Variants in GOLGB1 observed in about 807,000 individuals in gnomAD.
The protein encoded by GOLGB1 is golgin B1.
GOLGB1 carries 174 observed loss-of-function variants against 336.9 expected under a neutral mutation model. The observed-to-expected ratio is 0.52, with a 90% confidence interval of 0.46 to 0.59. The LOEUF (loss-of-function observed/expected upper bound fraction) is 0.59, where lower values mean the gene tolerates loss of function less well. GOLGB1 is among the 20% of genes least tolerant of loss of function. GOLGB1 has a pLI of 0.00. For missense variants in GOLGB1, 3,331 were observed against 3,645.3 expected, an observed-to-expected ratio of 0.91 and a Z score of 2.22; for synonymous variants, 1,208 against 1,289.2, an observed-to-expected ratio of 0.94 and a Z score of 1.35.
chr3:121,745,451 C>T (rs962450719), intron 1 of GOLGB1, among the ~76,000 whole-genome samples: 2 of 111,734 alleles, frequency 1.8e-5, no homozygotes, highest in South Asian at 3.1e-4. Context: ...CATATGTACA[C>T]GTGTATGTAT....
At chr3:121,730,635 G>T (rs1022385512) in intron 2 of GOLGB1, among the ~76,000 whole-genome samples, 3 of 152,148 alleles carry the variant, frequency 2.0e-5, no homozygotes, top group African/African-American at 2.4e-5. Context: ...ACCAAACAAG[G>T]CCCAGGGAGA....
At position 121,664,084 on chromosome 3, in the gene GOLGB1, G is replaced by A. The variant is rs1256544809; in HGVS notation, c.*396C>T. 1.1e-5 allele frequency: 2 copies of A among 182,558 alleles called. No homozygotes were observed. Among genetic ancestry groups the A allele is most frequent in the African/African-American group, 4.7e-5 (2 of 42,736 alleles). The allele number at this position is 182,558 out of a possible 1,614,324, so 11.3% of individuals were successfully genotyped here. A position where few individuals can be genotyped will look rare whatever the true frequency, so the allele number is the denominator to read the frequency against. On this transcript the variant is annotated 3_prime_UTR_variant, in exon 22 of 22. Coordinates refer to ENST00000614479, the MANE Select transcript of GOLGB1 (RefSeq NM_001366282.2). ...AATACAGGCAAACAAGGCAAAGAAA[G>A]TTATCAATCAAAATGATACTGAACT...
chr3:121,712,856 G>A (rs112069210), intron 10 of GOLGB1, among the ~76,000 whole-genome samples: 3,366 of 152,234 alleles, frequency 0.022, 50 homozygotes, highest in Middle Eastern at 0.034. Context: ...TATATTTTAG[G>A]TGGGAGTATA....
chr3:121,729,763 T>G, intron 3 of GOLGB1, 102 bp downstream of exon 3: 1 of 876,016 alleles, frequency 1.1e-6, no homozygotes, highest in Non-Finnish European at 1.8e-6. Context: ...AGGGAGATAA[T>G]CAGATTCCCT....
In GOLGB1 at chr3:121,696,467, A is replaced by G. The variant is rs1353181692; in HGVS notation, c.4056T>C (p.Asn1352=). 1 of 1,613,992 alleles carries G rather than the reference A, an allele frequency of 6.2e-7. No homozygotes were observed. The highest frequency in any genetic ancestry group is 1.7e-5 in the Admixed American group (1 of 60,016). Residue 1352 remains asparagine, a synonymous_variant, in exon 13 of 22, where the codon AAT becomes AAC. Transcript: ENST00000614479. ...GACTCTCGATTTCTAAACCCTGTTT[A>G]TTTATCTGCTCTTGTAACTGAAATA... ...EEVFQLQEQI[N]KQGLEIESLK...
At chr3:121,714,776 T>G in intron 10 of GOLGB1, 85 bp downstream of exon 10, 1 of 895,008 alleles carries the variant, frequency 1.1e-6, no homozygotes. Context: ...TATAGCTCTC[T>G]GGAATAAATC....
chr3:121,686,374 T>C (rs1175291769), intron 14 of GOLGB1, among the ~76,000 whole-genome samples: 2 of 152,230 alleles, frequency 1.3e-5, no homozygotes, highest in African/African-American at 4.8e-5. Context: ...GACTTCCCCT[T>C]GGGACACTAA....
chr3:121,697,284 T>C lies in GOLGB1; in HGVS notation c.3239A>G (p.His1080Arg). 1 of 1,613,994 alleles carries C rather than the reference T, an allele frequency of 6.2e-7. No homozygotes were observed. Among genetic ancestry groups the C allele is most frequent in the East Asian group, 2.2e-5 (1 of 44,884 alleles). The change falls in exon 13 of 22, where the codon CAT becomes CGT. Residue 1080 changes from histidine (H) to arginine (R), a missense_variant. Physicochemically the swap from His to Arg is conservative, Grantham distance 29. Coordinates refer to ENST00000614479, the MANE Select transcript of GOLGB1 (RefSeq NM_001366282.2). ...TISEKEVELQ[H>R]IRKDLEEKLA... Reference sequence around the variant, plus strand: ...CTTTTCTTCCAAATCCTTCCTTATATGCTGTAGTTCCACTTCTTTCTCAGA... The same window carrying C: ...CTTTTCTTCCAAATCCTTCCTTATACGCTGTAGTTCCACTTCTTTCTCAGA...
At position 121,695,682 on chromosome 3, in the gene GOLGB1, TTG is replaced by T. The variant is rs778894653; in HGVS notation, c.4839_4840del (p.His1613GlnfsTer8). ...AATTTCATACTCTTTTTGTAGCTCCTTGTGTTTCTCTTGCCACTCAGTACTTT... is the reference window on the plus strand; with the variant it reads ...AATTTCATACTCTTTTTGTAGCTCCTTGTTTCTCTTGCCACTCAGTACTTT... On this transcript the variant is annotated frameshift_variant, in exon 13 of 22. Coordinates refer to ENST00000614479, the MANE Select transcript of GOLGB1 (RefSeq NM_001366282.2). LOFTEE classifies it high-confidence loss of function. 1.2e-6 allele frequency: 2 copies of T among 1,612,316 alleles called. No individual in the cohort carries two copies. Among genetic ancestry groups the T allele is most frequent in the Non-Finnish European group, 1.7e-6 (2 of 1,179,994 alleles).
Position 121,729,219 on chromosome 3 carries a change from G to A in GOLGB1, c.371C>T (p.Thr124Ile), listed in dbSNP as rs774726037. 1.3e-5 allele frequency: 21 copies of A among 1,611,484 alleles called. No individual in the cohort carries two copies. Among genetic ancestry groups the A allele is most frequent in the Middle Eastern group, 3.3e-4 (2 of 6,080 alleles). ...AAGTTGCTCCTCTGACTGAGGTTCT[G>A]TAGGCAGAACAGTCCCTCCTTGTGC... Reference protein sequence around the residue: ...MKAQGGTVLPTEPQSEEQLSK... With the variant: ...MKAQGGTVLPIEPQSEEQLSK... The change falls in exon 4 of 22, where the codon ACA becomes ATA. Residue 124 changes from threonine (T) to isoleucine (I), a missense_variant. Thr to Ile is a moderately conservative substitution (Grantham distance 89). Coordinates refer to ENST00000614479, the MANE Select transcript of GOLGB1 (RefSeq NM_001366282.2).
chr3:121,667,498 C>G lies in GOLGB1; in HGVS notation c.9532G>C (p.Val3178Leu), dbSNP rs1213609293. The change falls in exon 20 of 22, where the codon GTG (valine) becomes CTG (leucine). Residue 3178 changes from valine (V) to leucine (L), a missense_variant. By Grantham distance (32) the Val-to-Leu change is conservative (BLOSUM62 1). Transcript: ENST00000614479. ...TACCGTCTGATCTGCTCCTCGGCCA[C>G]AGAGAGAGCATTCTCAGCAGCCACT... ...QRVAAENALS[V>L]AEEQIRRLEH... 2 of 1,613,952 alleles carry G rather than the reference C, an allele frequency of 1.2e-6. No individual in the cohort carries two copies. The highest frequency in any genetic ancestry group is 1.3e-5 in the African/African-American group (1 of 74,938).
At chr3:121,717,275 A>C (rs1454744286) in intron 8 of GOLGB1, 136 bp from the exon 9 acceptor site, 1 of 694,102 alleles carries the variant, frequency 1.4e-6, no homozygotes, top group African/African-American at 1.8e-5. Context: ...CTTCTCAAGA[A>C]GGAGAGTTGA....
Position 121,664,527 on chromosome 3 carries a change from G to C in GOLGB1, c.9748C>G (p.Leu3250Val), listed in dbSNP as rs1938312702. Residue 3250 changes from leucine to valine, a missense_variant, in exon 22 of 22, where the codon CTA (leucine) becomes GTA (valine). By Grantham distance (32) the Leu-to-Val change is conservative. Coordinates refer to ENST00000614479, the MANE Select transcript of GOLGB1 (RefSeq NM_001366282.2). ...RVPLLAAIYF[L>V]MIHVLLILCF... ...AGAATGAGCAGGACATGAATCATTAGAAAGTAGATGGCTGCTAGAAGTGGC... is the reference window on the plus strand; with the variant it reads ...AGAATGAGCAGGACATGAATCATTACAAAGTAGATGGCTGCTAGAAGTGGC... 6.2e-7 allele frequency: 1 copy of C among 1,613,552 alleles called. No homozygotes were observed. Among genetic ancestry groups the C allele is most frequent in the South Asian group, 1.1e-5 (1 of 91,074 alleles).
At chr3:121,740,307 G>A (rs1347474535) in intron 1 of GOLGB1, among the ~76,000 whole-genome samples, 1 of 152,074 alleles carries the variant, frequency 6.6e-6, no homozygotes, top group Non-Finnish European at 1.5e-5. Flanking sequence ...GTTACCACTG[G>A]AAGAAACAAC....
chr3:121,737,130 G>C (rs940115183), intron 1 of GOLGB1, among the ~76,000 whole-genome samples: 1 of 152,128 alleles, frequency 6.6e-6, no homozygotes, highest in Non-Finnish European at 1.5e-5. Context: ...ATCTTCCCAA[G>C]TTGTATGTAA....
intron 10 of GOLGB1, among the ~76,000 whole-genome samples, chr3:121,709,602 A>G (rs1474002473): frequency 1.3e-5 from 2 of 152,206 alleles, no homozygotes; most frequent in Non-Finnish European, 2.9e-5. Context: ...CAATGAAAAA[A>G]TCACAGAGAA....
rs760472957 is a variant in GOLGB1, at chr3:121,693,946, C to A, written c.6577G>T (p.Ala2193Ser). The A allele has an allele frequency of 2.5e-6, 4 of 1,614,064 alleles. No homozygotes were observed. Among genetic ancestry groups the A allele is most frequent in the East Asian group, 2.2e-5 (1 of 44,884 alleles). The change falls in exon 13 of 22, where the codon GCA becomes TCA. Residue 2193 changes from alanine to serine, a missense_variant. Physicochemically the swap from Ala to Ser is moderately conservative, Grantham distance 99. Coordinates refer to ENST00000614479, the MANE Select transcript of GOLGB1 (RefSeq NM_001366282.2). ...GAAGACATGCTCTTAGTAAAGGCTG[C>A]AAGCTGGGTCACAGTACTGTCCAAG... Reference protein sequence around the residue: ...ENLDSTVTQLAAFTKSMSSLQ... With the variant: ...ENLDSTVTQLSAFTKSMSSLQ...
chr3:121,677,180 TGA>T (rs1329733952), intron 16 of GOLGB1, 103 bp downstream of exon 16: 6 of 1,208,698 alleles, frequency 5.0e-6, no homozygotes, highest in Non-Finnish European at 7.1e-6. Flanking sequence ...TGTAGGAAGC[TGA>T]TGCTTTCTGG....
intron 20 of GOLGB1, among the ~76,000 whole-genome samples, chr3:121,666,012 T>G (rs1938563632): frequency 6.6e-6 from 1 of 152,248 alleles, no homozygotes; most frequent in East Asian, 1.9e-4. Flanking sequence ...CTCCATGTGA[T>G]AAGCTTTTCA....
Sources: allele counts gnomAD v4.1 joint callset (sites outside exome capture counted in the v4.1 genomes callset), GRCh38; gene constraint gnomAD v4.1.1; transcripts MANE v1.5; gene names NCBI Gene and HGNC (gene_info 2026-07-23, HGNC 2026-07-21).